Variants in ADAM33 observed in about 807,000 individuals in gnomAD.
The protein encoded by ADAM33 is disintegrin and metalloproteinase domain-containing protein 33.
Under a neutral mutation model 106.2 loss-of-function variants are expected in ADAM33, and 103 were observed. The ratio of observed to expected loss-of-function variants is 0.97; its 90% CI spans 0.83 to 1.14. The LOEUF is 1.14. ADAM33 is among the 50% of genes most tolerant of loss of function. The pLI is 0.00. For missense variants in ADAM33, 1,120 were observed against 1,096.6 expected (o/e 1.02, Z -0.30); for synonymous variants, 483 against 453.0 (o/e 1.07, Z -0.84).
intron 1 of ADAM33, among the ~76,000 whole-genome samples, chr20:3,679,853 G>A (rs768536467): frequency 3.9e-5 from 6 of 151,954 alleles, no homozygotes; most frequent in African/African-American, 7.2e-5. Flanking sequence ...GGGCAGGCTT[G>A]GGCTCGGCGA....
intron 19 of ADAM33, among the ~76,000 whole-genome samples, chr20:3,670,789 C>T (rs1600202278): frequency 6.6e-6 from 1 of 152,198 alleles, no homozygotes; most frequent in South Asian, 2.1e-4. Flanking sequence ...AGGGCCATGC[C>T]TTGCGGTGCT....
intron 1 of ADAM33, 93 bp from the exon 2 acceptor site, chr20:3,679,664 G>A: frequency 9.2e-7 from 1 of 1,091,494 alleles, no homozygotes; most frequent in Non-Finnish European, 1.3e-6. Flanking sequence ...ACATCCCCAG[G>A]GAGGCACTGG....
intron 19 of ADAM33, 41 bp downstream of exon 19, chr20:3,670,965 A>G (rs1215523047): frequency 1.3e-6 from 2 of 1,514,652 alleles, no homozygotes; most frequent in Non-Finnish European, 1.8e-6. Flanking sequence ...GAGGAGGGGA[A>G]CCGCAGGAGT....
At position 3,681,982 on chromosome 20, in the gene ADAM33, GCTCT is replaced by G. The variant is rs1156659593; in HGVS notation, c.19_22del (p.Arg7LeufsTer86). On this transcript the variant is annotated frameshift_variant, in exon 1 of 22. Transcript: ENST00000356518. LOFTEE classifies it high-confidence loss of function. The stretch of plus-strand genomic sequence containing the variant: ...CAGCAGCAGCAACGGGGTCCCCCGA[GCTCT>G]CCGGGGCCTCCAGCCCATAGCTGTG... The G allele has an allele frequency of 6.5e-7, 1 of 1,539,254 alleles. No homozygotes were observed. The highest frequency in any genetic ancestry group is 2.6e-5 in the East Asian group (1 of 38,992).
In ADAM33 at chr20:3,671,067, G is replaced by T. The variant is rs1437949931; in HGVS notation, c.2179C>A (p.Leu727Ile). Residue 727 changes from leucine (L) to isoleucine (I), a missense_variant, in exon 19 of 22, where the codon CTC (leucine) becomes ATC (isoleucine). Coordinates refer to ENST00000356518, the MANE Select transcript of ADAM33 (RefSeq NM_025220.5). ...CATCGCTGCAGATGGGCTCCTGGGAGTCGGTAGCAACACCAGGCCAGGCCG... is the reference window on the plus strand; with the variant it reads ...CATCGCTGCAGATGGGCTCCTGGGATTCGGTAGCAACACCAGGCCAGGCCG... ...GAGLAWCCYR[L>I]PGAHLQRCSW... is the part of the protein sequence containing the mutation. The T allele has an allele frequency of 6.4e-7, 1 of 1,572,636 alleles. No homozygotes were observed. Among genetic ancestry groups the T allele is most frequent in the East Asian group, 2.3e-5 (1 of 42,704 alleles).
intron 1 of ADAM33, among the ~76,000 whole-genome samples, chr20:3,679,958 T>C (rs1191300219): frequency 6.6e-6 from 1 of 151,908 alleles, no homozygotes; most frequent in Non-Finnish European, 1.5e-5. Flanking sequence ...GCCTTTAGGG[T>C]GAGAGATGTA....
Position 3,673,903 on chromosome 20 carries a change from C to CCTG in ADAM33, c.744_746dup (p.Leu248_Arg249insSer), listed in dbSNP as rs2087751569. 1 of 1,567,610 alleles carries CCTG rather than the reference C, an allele frequency of 6.4e-7. No individual in the cohort carries two copies. The highest frequency in any genetic ancestry group is 1.4e-5 in the African/African-American group (1 of 73,674). ...TCAGCGCCACCTGAATGTCCAGAGT[C>CCTG]CTGAGAAGCTGAGGGCGAGGCGGGG... is the stretch of plus-strand genomic sequence containing the variant. On this transcript the variant is annotated inframe_insertion, in exon 9 of 22. Coordinates refer to ENST00000356518, the MANE Select transcript of ADAM33 (RefSeq NM_025220.5).
chr20:3,678,892 G>A (rs930291188), intron 2 of ADAM33, among the ~76,000 whole-genome samples: 2 of 152,186 alleles, frequency 1.3e-5, no homozygotes, highest in African/African-American at 2.4e-5. Context: ...TTCTGGAAGC[G>A]TGTGAAGAGC....
At chr20:3,679,349 GGGCAGGGGA>G in intron 2 of ADAM33, 134 bp downstream of exon 2, 13 of 775,654 alleles carry the variant, frequency 1.7e-5, no homozygotes, top group Non-Finnish European at 2.5e-5. Flanking sequence ...CCCACTTGAG[GGGCAGGGGA>G]GGCAGGGGCC....
intron 1 of ADAM33, among the ~76,000 whole-genome samples, chr20:3,681,396 G>A (rs1014199870): frequency 1.3e-5 from 2 of 152,184 alleles, no homozygotes; most frequent in Non-Finnish European, 2.9e-5. Flanking sequence ...TGGGAGGAGG[G>A]ACGAGGGGTG....
intron 2 of ADAM33, among the ~76,000 whole-genome samples, chr20:3,677,567 C>G (rs1205524840): frequency 6.6e-6 from 1 of 152,220 alleles, no homozygotes; most frequent in African/African-American, 2.4e-5. Flanking sequence ...CCTCTGCTAC[C>G]TGAGGCTTGT....
intron 21 of ADAM33, 40 bp from the exon 22 acceptor site, chr20:3,669,040 G>A (rs763016968): frequency 6.2e-7 from 1 of 1,608,578 alleles, no homozygotes; most frequent in Non-Finnish European, 8.5e-7. Context: ...AAGGACTGGG[G>A]CCCCAGGCTG....
Position 3,672,899 on chromosome 20 carries a change from C to T in ADAM33, c.1134-1G>A. 6.4e-7 allele frequency: 1 copy of T among 1,563,882 alleles called. No homozygotes were observed. The highest frequency in any genetic ancestry group is 8.6e-7 in the Non-Finnish European group (1 of 1,164,932). On this transcript the variant is annotated splice_acceptor_variant, in intron 11 of 21. Coordinates refer to ENST00000356518, the MANE Select transcript of ADAM33 (RefSeq NM_025220.5). LOFTEE classifies it high-confidence loss of function. ...GCTGAACACGCGCGGAAACGGGTGCCTACCGGCACGGGGAGGGCATTGGGC... is the reference window on the plus strand; with the variant it reads ...GCTGAACACGCGCGGAAACGGGTGCTTACCGGCACGGGGAGGGCATTGGGC...
At position 3,674,806 on chromosome 20, in the gene ADAM33, G is replaced by A; in HGVS notation, c.377C>T (p.Ser126Phe). The A allele has an allele frequency of 6.2e-7, 1 of 1,611,408 alleles. No homozygotes were observed. Among genetic ancestry groups the A allele is most frequent in the Non-Finnish European group, 8.5e-7 (1 of 1,178,542 alleles). The part of the protein sequence containing the change: ...YQGRVRGFPD[S>F]WVVLCTCSGM... The stretch of plus-strand genomic sequence containing the variant: ...AGAGCAGGTGCAGAGGACTACCCAG[G>A]AGTCGGGGAAGCCCCTTACTCGCCC... Residue 126 changes from serine to phenylalanine, a missense_variant, in exon 5 of 22, where the codon TCC (serine) becomes TTC (phenylalanine). Physicochemically the swap from Ser to Phe is radical, Grantham distance 155 (BLOSUM62 -2). Transcript: ENST00000356518.
At chr20:3,677,291 G>C in intron 2 of ADAM33, 148 bp from the exon 3 acceptor site, 1 of 605,768 alleles carries the variant, frequency 1.7e-6, no homozygotes, top group South Asian at 2.1e-5. Flanking sequence ...ATACTATGGA[G>C]GGCGTGGAGG....
Position 3,675,213 on chromosome 20 carries a change from G to C in ADAM33, c.255-108C>G. ...GCTAATGGAGCAGCTTTATGAGTGAGACACTCACAGTGTGTCTTAGGGAAG... is the reference window on the plus strand; with the variant it reads ...GCTAATGGAGCAGCTTTATGAGTGACACACTCACAGTGTGTCTTAGGGAAG... On this transcript the variant is annotated intron_variant, in intron 3 of 21. Coordinates refer to ENST00000356518, the MANE Select transcript of ADAM33 (RefSeq NM_025220.5). This position sits in a 1 kb window ranked among gnomAD's most constrained non-coding sequence, Gnocchi z 4.1. The C allele has an allele frequency of 5.1e-6, 4 of 787,938 alleles. No homozygotes were observed. Among genetic ancestry groups the C allele is most frequent in the Non-Finnish European group, 8.5e-6 (4 of 470,848 alleles). 48.8% of individuals were successfully genotyped at this position (787,938 alleles called of 1,614,324 possible). A position where few individuals can be genotyped will look rare whatever the true frequency, so the allele number is the denominator to read the frequency against.
At position 3,677,087 on chromosome 20, in the gene ADAM33, C is replaced by A; in HGVS notation, c.234G>T (p.Leu78=). 8 of 1,612,940 alleles carry A rather than the reference C, an allele frequency of 5.0e-6. No individual in the cohort carries two copies. The highest frequency in any genetic ancestry group is 6.8e-6 in the Non-Finnish European group (8 of 1,179,732). The stretch of plus-strand genomic sequence containing the variant: ...CTCACTGGTTCTTCTCCAGCTCAAG[C>A]AGGAGCTCCTGGCCTTCAGCCTCCA... ...VALEAEGQEL[L]LELEKNHRLL... is the part of the protein sequence containing the mutation. The change falls in exon 3 of 22, where the codon CTG becomes CTT. Residue 78 remains leucine (L), a synonymous_variant. Transcript: ENST00000356518.
chr20:3,669,785 C>T, intron 19 of ADAM33, 148 bp from the exon 20 acceptor site: 2 of 759,676 alleles, frequency 2.6e-6, no homozygotes, highest in Middle Eastern at 2.2e-4. Context: ...CTCTCAGCTC[C>T]CTTCCTGCTC....
chr20:3,677,455 C>G (rs1338840409), intron 2 of ADAM33, among the ~76,000 whole-genome samples: 2 of 152,200 alleles, frequency 1.3e-5, no homozygotes, highest in Non-Finnish European at 2.9e-5. Context: ...GGCCCGCCCT[C>G]TTCTTTCATG....
Sources: allele counts gnomAD v4.1 joint callset (sites outside exome capture counted in the v4.1 genomes callset), GRCh38; gene constraint gnomAD v4.1.1; non-coding constraint Gnocchi (gnomAD v3.1); transcripts MANE v1.5; gene names NCBI Gene and HGNC (gene_info 2026-07-23, HGNC 2026-07-21).